PRMT7: variants seen among roughly 807,000 people sequenced by gnomAD.
PRMT7 encodes the protein protein arginine N-methyltransferase 7.
PRMT7 carries 75 observed loss-of-function variants against 85.4 expected under a neutral mutation model. The observed-to-expected ratio is 0.88, with a 90% CI of 0.73 to 1.06. PRMT7 has a LOEUF of 1.06. PRMT7 is among the 50% of genes least tolerant of loss of function. The pLI is 0.00. For missense variants in PRMT7, 868 were observed against 915.2 expected (o/e 0.95, Z 0.67); for synonymous variants, 397 against 359.5 (o/e 1.10, Z -1.18).
chr16:68,331,557 T>A (rs2083910404), intron 6 of PRMT7, among the ~76,000 whole-genome samples: 5 of 151,206 alleles, frequency 3.3e-5, no homozygotes, highest in Admixed American at 3.3e-4. Flanking sequence ...AGCTTTGACC[T>A]CCTGGGCTCA....
chr16:68,335,701 T>C (rs2084572126), intron 6 of PRMT7, among the ~76,000 whole-genome samples: 1 of 151,410 alleles, frequency 6.6e-6, no homozygotes, highest in African/African-American at 2.4e-5. Flanking sequence ...GGATAGGAAG[T>C]GAGATCCAGG....
At chr16:68,356,559 G>A in intron 17 of PRMT7, 142 bp from the exon 18 acceptor site, 1 of 656,730 alleles carries the variant, frequency 1.5e-6, no homozygotes, top group South Asian at 1.9e-5. Flanking sequence ...GAACGTTTAT[G>A]TAACTGCAGC....
At chr16:68,325,286 G>A (rs1205470648) in intron 5 of PRMT7, among the ~76,000 whole-genome samples, 1 of 152,206 alleles carries the variant, frequency 6.6e-6, no homozygotes, top group African/African-American at 2.4e-5. Context: ...CTTGAGCCCG[G>A]AAAGTCAAGG....
At position 68,325,652 on chromosome 16, in the gene PRMT7, G is replaced by A. The variant is rs376206577; in HGVS notation, c.282+820G>A. ...CTAAAAATACAAAAATTAGCCGGGT[G>A]TGGTGATGCGCGCCTGTAATCCCAG... On this transcript the variant is annotated intron_variant, in intron 5 of 18. Coordinates refer to ENST00000441236, the MANE Select transcript of PRMT7 (RefSeq NM_019023.5). Among the ~76,000 whole-genome samples the A allele has an allele frequency of 4.6e-5, 7 of 152,144 alleles. No homozygotes were observed. In the East Asian group the frequency reaches 9.7e-4, roughly 21 times the overall value.
chr16:68,326,720 C>T (rs781091243), intron 5 of PRMT7, among the ~76,000 whole-genome samples: 5 of 152,164 alleles, frequency 3.3e-5, no homozygotes, highest in African/African-American at 4.8e-5. Context: ...CAGTTCCCCA[C>T]GCTGCACCCT....
intron 9 of PRMT7, among the ~76,000 whole-genome samples, chr16:68,341,116 G>A (rs1380795623): frequency 6.6e-6 from 1 of 152,196 alleles, no homozygotes; most frequent in Non-Finnish European, 1.5e-5. Flanking sequence ...GGGTGGAAAG[G>A]AAACATATTT....
chr16:68,346,601 C>T (rs1426861733), intron 11 of PRMT7, among the ~76,000 whole-genome samples: 1 of 152,152 alleles, frequency 6.6e-6, no homozygotes, highest in Non-Finnish European at 1.5e-5. Context: ...GTGTTGTCAC[C>T]TTTCTAAAAT....
At chr16:68,353,443 C>T (rs779677730) in intron 15 of PRMT7, 49 bp from the exon 16 acceptor site, 1 of 1,607,784 alleles carries the variant, frequency 6.2e-7, no homozygotes, top group Non-Finnish European at 8.5e-7. Context: ...TGCCACGCTT[C>T]CCTGTGTCCT....
chr16:68,328,406 C>T (rs1261926610), intron 5 of PRMT7: 1 of 151,246 alleles, frequency 6.6e-6, no homozygotes, highest in Non-Finnish European at 1.5e-5. Context: ...GTGTGTCTTT[C>T]TGAGAAGCTG....
chr16:68,335,648 G>A (rs1177767785), intron 6 of PRMT7, among the ~76,000 whole-genome samples: 4 of 151,798 alleles, frequency 2.6e-5, no homozygotes, highest in Admixed American at 6.6e-5. Context: ...CCATTCACCC[G>A]TTTTACTGAT....
Position 68,346,287 on chromosome 16 carries a change from G to A in PRMT7, c.1191+7G>A, listed in dbSNP as rs763566305. ...CGTCCAGGCTCTGAGGACCGTAAGTGTCCAGCCCCTTGGCTTGTTGTGGGG... is the reference window on the plus strand; with the variant it reads ...CGTCCAGGCTCTGAGGACCGTAAGTATCCAGCCCCTTGGCTTGTTGTGGGG... On this transcript the variant is annotated splice_region_variant and intron_variant, in intron 11 of 18. Coordinates refer to ENST00000441236, the MANE Select transcript of PRMT7 (RefSeq NM_019023.5). 31 of 1,613,832 alleles carry A rather than the reference G, an allele frequency of 1.9e-5. No individual in the cohort carries two copies. Among genetic ancestry groups the A allele is most frequent in the Non-Finnish European group, 2.6e-5 (31 of 1,179,820 alleles).
At chr16:68,347,180 G>C (rs1322548741) in intron 11 of PRMT7, 31 bp from the exon 12 acceptor site, 2 of 1,545,332 alleles carry the variant, frequency 1.3e-6, no homozygotes, top group East Asian at 4.9e-5. Flanking sequence ...ACTGGAGGAA[G>C]CCCTGTGCTG....
In PRMT7 at chr16:68,353,540, G is replaced by C. The variant is rs374121002; in HGVS notation, c.1624G>C (p.Val542Leu). 6.3e-7 allele frequency: 1 copy of C among 1,599,074 alleles called. No homozygotes were observed. The highest frequency in any genetic ancestry group is 8.5e-7 in the Non-Finnish European group (1 of 1,173,348). ...SPCGDCEGFD[V>L]HIMDDMIKRA... ...CTGTGGTGACTGCGAAGGCTTCGAC[G>C]TGCACATCATGGACGACATGATTAA... The change falls in exon 16 of 19, where the codon GTG becomes CTG. Residue 542 changes from valine (V) to leucine (L), a missense_variant. By Grantham distance (32) the Val-to-Leu change is conservative (BLOSUM62 1). Coordinates refer to ENST00000441236, the MANE Select transcript of PRMT7 (RefSeq NM_019023.5).
At chr16:68,317,852 AAC>A (rs1288219748) in intron 3 of PRMT7, among the ~76,000 whole-genome samples, 6 of 58,050 alleles carry the variant, frequency 1.0e-4, no homozygotes, top group African/African-American at 6.6e-4. Context: ...AAAGAAAAAA[AAC>A]CACACACACA....
At position 68,334,957 on chromosome 16, in the gene PRMT7, C is replaced by T. The variant is rs116180288; in HGVS notation, c.392-2502C>T. Among the ~76,000 whole-genome samples the T allele has an allele frequency of 9.4e-3, 1,436 of 152,008 alleles. 26 individuals are homozygous for T. The highest frequency in any genetic ancestry group is 0.033 in the African/African-American group (1,349 of 41,438). ...GACTACAGGCGCGTGCTACTACACC[C>T]GGCTAATTTTTGTATTTTTAGTAGA... is the stretch of plus-strand genomic sequence containing the variant. On this transcript the variant is annotated intron_variant, in intron 6 of 18. Transcript: ENST00000441236.
At chr16:68,322,852 GAAA>G (rs1232410452) in intron 4 of PRMT7, among the ~76,000 whole-genome samples, 1 of 151,998 alleles carries the variant, frequency 6.6e-6, no homozygotes, top group Non-Finnish European at 1.5e-5. Context: ...CTAACATGGT[GAAA>G]CCCCGTCCCT....
intron 3 of PRMT7, among the ~76,000 whole-genome samples, chr16:68,321,151 C>A (rs2082441928): frequency 1.3e-5 from 2 of 151,968 alleles, no homozygotes; most frequent in African/African-American, 4.8e-5. Flanking sequence ...CACCTGTAAT[C>A]CCAGCTACCT....
intron 1 of PRMT7, chr16:68,311,515 G>A (rs2043685841): frequency 6.3e-6 from 1 of 158,348 alleles, no homozygotes; most frequent in Non-Finnish European, 1.4e-5. Flanking sequence ...CGTAAGCCTA[G>A]TGTAGATACG....
At chr16:68,325,581 A>G (rs2083014091) in intron 5 of PRMT7, among the ~76,000 whole-genome samples, 1 of 152,142 alleles carries the variant, frequency 6.6e-6, no homozygotes, top group African/African-American at 2.4e-5. Flanking sequence ...TCATGAGGTC[A>G]GGAGTTCAAG....
Sources: allele counts gnomAD v4.1 joint callset (sites outside exome capture counted in the v4.1 genomes callset), GRCh38; gene constraint gnomAD v4.1.1; transcripts MANE v1.5; gene names NCBI Gene and HGNC (gene_info 2026-07-23, HGNC 2026-07-21).